AGL: variants seen among roughly 807,000 people sequenced by gnomAD.
AGL encodes glycogen debranching enzyme.
In AGL, 128 loss-of-function variants were observed where a neutral mutation model predicts 199.3. That is an observed-to-expected ratio of 0.64 (90% CI 0.56 to 0.74). The LOEUF (loss-of-function observed/expected upper bound fraction) is 0.74, where lower values mean the gene tolerates loss of function less well. Among genes scored for constraint, AGL ranks in the 30% least tolerant of loss-of-function variants. The pLI, the probability that AGL is intolerant of heterozygous loss-of-function variation, is 0.00. For missense variants in AGL, 1,809 were observed against 1,820.8 expected, an observed-to-expected ratio of 0.99 and a Z score of 0.12; for synonymous variants, 584 against 594.7, an observed-to-expected ratio of 0.98 and a Z score of 0.26.
intron 7 of AGL, among the ~76,000 whole-genome samples, chr1:99,873,638 T>C (rs1446834702): frequency 6.6e-6 from 1 of 152,150 alleles, no homozygotes; most frequent in African/African-American, 2.4e-5. Flanking sequence ...TTCTCAATGT[T>C]GGTCAGGCTG....
chr1:99,888,162 G>A, intron 21 of AGL, 54 bp downstream of exon 21: 1 of 1,603,322 alleles, frequency 6.2e-7, no homozygotes. Context: ...GGGTCATCTG[G>A]TGTCTTCTTT....
chr1:99,891,426 A>G (rs1432025710), intron 22 of AGL, 70 bp downstream of exon 22: 3 of 1,559,024 alleles, frequency 1.9e-6, no homozygotes, highest in Non-Finnish European at 2.6e-6. Context: ...GTTATATATA[A>G]TATTTACATT....
chr1:99,869,304 T>A (rs1650790191), intron 5 of AGL, among the ~76,000 whole-genome samples: 1 of 152,228 alleles, frequency 6.6e-6, no homozygotes, highest in Non-Finnish European at 1.5e-5. Flanking sequence ...GCTCCTTACA[T>A]AGCCTTTCTT....
rs934697953 is a variant in AGL at position 99,923,765 on chromosome 1, A to C, written c.*2114A>C. 17 of 152,288 alleles carry C rather than the reference A, an allele frequency of 1.1e-4. No individual in the cohort carries two copies. The highest frequency in any genetic ancestry group is 4.1e-4 in the African/African-American group (17 of 41,570). 9.4% of individuals were successfully genotyped at this position (152,288 alleles called of 1,614,324 possible). ...ATAAGGTATTGTATTTCAACAATGGACTATGCCTTGGTTTTTCACTAATCA... is the reference window on the plus strand; with the variant it reads ...ATAAGGTATTGTATTTCAACAATGGCCTATGCCTTGGTTTTTCACTAATCA... On this transcript the variant is annotated 3_prime_UTR_variant, in exon 34 of 34. Transcript: ENST00000361915.
intron 13 of AGL, among the ~76,000 whole-genome samples, chr1:99,880,296 A>G (rs1473908350): frequency 2.0e-5 from 3 of 152,136 alleles, no homozygotes; most frequent in Non-Finnish European, 4.4e-5. Context: ...TAACAAAACC[A>G]TTTTTTGTTG....
In AGL at chr1:99,861,440, C is replaced by G. The variant is rs1301979200; in HGVS notation, c.83-63C>G. 1.9e-6 allele frequency: 3 copies of G among 1,607,134 alleles called. No homozygotes were observed. In the African/African-American group the frequency reaches 4.0e-5, roughly 22 times the overall value. On this transcript the variant is annotated intron_variant, in intron 2 of 33. Transcript: ENST00000361915. The stretch of plus-strand genomic sequence containing the variant: ...TTTTTTAATACTTTAAATAAAACAT[C>G]TGTTTTTCAATGTGGTAATTTAAGT...
chr1:99,850,061 G>C (rs1040853257), upstream of AGL: 1 of 152,366 alleles, frequency 6.6e-6, no homozygotes, highest in Non-Finnish European at 1.5e-5. Context: ...GAGACTAGCG[G>C]TCGGGGCGGG....
chr1:99,849,284 TAC>T (rs1274740744), upstream of AGL, among the ~76,000 whole-genome samples: 3 of 151,990 alleles, frequency 2.0e-5, no homozygotes, highest in Admixed American at 6.5e-5. Flanking sequence ...TCTTTGGACC[TAC>T]AGTCATTCCA....
chr1:99,894,504 T>C (rs980359615), intron 24 of AGL, among the ~76,000 whole-genome samples: 2 of 152,162 alleles, frequency 1.3e-5, no homozygotes, highest in East Asian at 3.9e-4. Flanking sequence ...ATCACTATCA[T>C]CAAAATTAAT....
At chr1:99,872,001 T>G (rs1023463258) in intron 7 of AGL, among the ~76,000 whole-genome samples, 4 of 151,944 alleles carry the variant, frequency 2.6e-5, no homozygotes, top group Non-Finnish European at 5.9e-5. Context: ...TTATATTTAT[T>G]TTTATTTTTT....
intron 33 of AGL, among the ~76,000 whole-genome samples, chr1:99,918,508 C>T (rs1335120117): frequency 2.0e-5 from 3 of 151,884 alleles, no homozygotes; most frequent in Admixed American, 6.6e-5. Context: ...ATTTTTGGAG[C>T]GACAGGGGTC....
chr1:99,887,737 A>G lies in AGL; in HGVS notation c.2682-241A>G, dbSNP rs552867495. On this transcript the variant is annotated intron_variant, in intron 20 of 33. Coordinates refer to ENST00000361915, the MANE Select transcript of AGL (RefSeq NM_000642.3). Reference sequence around the variant, plus strand: ...TCCCAGCATACTTCTAATCAATACAATTTGGTACTTGATTATTTGCTTGGT... The same window carrying G: ...TCCCAGCATACTTCTAATCAATACAGTTTGGTACTTGATTATTTGCTTGGT... Among the ~76,000 whole-genome samples the G allele has an allele frequency of 2.6e-5, 4 of 152,234 alleles. No individual in the cohort carries two copies. The South Asian group carries it at 8.3e-4, about 32-fold the overall frequency.
At chr1:99,889,739 T>G (rs1191343122) in intron 21 of AGL, among the ~76,000 whole-genome samples, 3 of 152,236 alleles carry the variant, frequency 2.0e-5, no homozygotes, top group African/African-American at 7.2e-5. Flanking sequence ...GCCTTTGTCT[T>G]TCTTATAGTT....
intron 10 of AGL, 61 bp from the exon 11 acceptor site, chr1:99,876,397 A>C: frequency 7.8e-7 from 1 of 1,283,042 alleles, no homozygotes; most frequent in South Asian, 1.4e-5. Context: ...AATATTGCAA[A>C]TTTATATTCT....
Position 99,922,384 on chromosome 1 carries a change from G to A in AGL, c.*733G>A, listed in dbSNP as rs1655572574. On this transcript the variant is annotated 3_prime_UTR_variant, in exon 34 of 34. Coordinates refer to ENST00000361915, the MANE Select transcript of AGL (RefSeq NM_000642.3). ...TTACATTTTCAAAATGGAAATTGTC[G>A]GTCATATTTCTAGAACTTTAAAGAA... is the stretch of plus-strand genomic sequence containing the variant. 1 of 151,498 alleles carries A rather than the reference G, an allele frequency of 6.6e-6. No homozygotes were observed. The highest frequency in any genetic ancestry group is 6.6e-5 in the Admixed American group (1 of 15,236). The allele number at this position is 151,498 out of a possible 1,614,324, so 9.4% of individuals were successfully genotyped here. A position where few individuals can be genotyped will look rare whatever the true frequency, so the allele number is the denominator to read the frequency against.
chr1:99,875,154 C>G lies in AGL; in HGVS notation c.1083C>G (p.Asp361Glu), dbSNP rs928357712. 6.2e-7 allele frequency: 1 copy of G among 1,613,114 alleles called. No individual in the cohort carries two copies. Among genetic ancestry groups the G allele is most frequent in the African/African-American group, 1.3e-5 (1 of 75,026 alleles). The part of the protein sequence containing the change: ...NIALTTFIPH[D>E]KGPAAIEECC... The stretch of plus-strand genomic sequence containing the variant: ...ATCTGCATTTCTCCATCTGCTCTAG[C>G]AAGGGGCCAGCAGCAATTGAAGAAT... Residue 361 changes from aspartate to glutamate, a missense_variant and splice_region_variant, in exon 9 of 34, where the codon GAC becomes GAG. Asp to Glu is a conservative substitution (Grantham distance 45). Coordinates refer to ENST00000361915, the MANE Select transcript of AGL (RefSeq NM_000642.3).
At chr1:99,909,908 T>C (rs1654611566) in intron 27 of AGL, among the ~76,000 whole-genome samples, 1 of 152,194 alleles carries the variant, frequency 6.6e-6, no homozygotes, top group Non-Finnish European at 1.5e-5. Context: ...ACTTATGCTA[T>C]ATATTACATA....
chr1:99,865,586 A>G (rs1473988500), intron 5 of AGL, among the ~76,000 whole-genome samples: 1 of 152,236 alleles, frequency 6.6e-6, no homozygotes, highest in Non-Finnish European at 1.5e-5. Context: ...AGCCTGACAA[A>G]GCGTGGCCAT....
chr1:99,884,080 C>A, intron 17 of AGL, 40 bp from the exon 18 acceptor site: 1 of 1,555,892 alleles, frequency 6.4e-7, no homozygotes, highest in Non-Finnish European at 8.9e-7. Flanking sequence ...TTGGATGATT[C>A]CATATGAAAT....
Sources: allele counts gnomAD v4.1 joint callset (sites outside exome capture counted in the v4.1 genomes callset), GRCh38; gene constraint gnomAD v4.1.1; transcripts MANE v1.5; gene names NCBI Gene and HGNC (gene_info 2026-07-23, HGNC 2026-07-21).